Variants in ITGAV observed in about 807,000 individuals in gnomAD.
ITGAV encodes integrin alpha-V.
ITGAV carries 76 observed loss-of-function variants against 143.8 expected under a neutral mutation model. The observed-to-expected ratio is 0.53, with a 90% CI of 0.44 to 0.64. The LOEUF (loss-of-function observed/expected upper bound fraction) is 0.64. Ranked by LOEUF, ITGAV falls within the 30% of genes least tolerant of loss-of-function variation. The pLI is 0.00. For synonymous variants in ITGAV, 453 were observed against 446.7 expected, an observed-to-expected ratio of 1.01 and a Z score of -0.18; for missense variants, 1,193 against 1,274.7, an observed-to-expected ratio of 0.94 and a Z score of 0.98.
chr2:186,648,557 C>T (rs942569093), intron 13 of ITGAV, among the ~76,000 whole-genome samples: 5 of 152,114 alleles, frequency 3.3e-5, no homozygotes, highest in African/African-American at 1.2e-4. Flanking sequence ...CTTCACCGCC[C>T]GGGTTCAAGA....
chr2:186,653,850 A>T (rs1411566625), intron 15 of ITGAV, among the ~76,000 whole-genome samples: 1 of 152,238 alleles, frequency 6.6e-6, no homozygotes, highest in Non-Finnish European at 1.5e-5. Flanking sequence ...AGCATTTCAG[A>T]AAATCGTACT....
intron 1 of ITGAV, among the ~76,000 whole-genome samples, chr2:186,593,007 G>A (rs939069897): frequency 6.6e-6 from 1 of 152,028 alleles, no homozygotes; most frequent in African/African-American, 2.4e-5. Flanking sequence ...GGAATCCAAG[G>A]TACTTGGGAT....
At chr2:186,645,322 T>C (rs10178617) in intron 12 of ITGAV, among the ~76,000 whole-genome samples, 14,332 of 151,666 alleles carry the variant, frequency 0.094, 733 homozygotes, top group South Asian at 0.12. Context: ...TTTGGACAAA[T>C]AGAAGGAATA....
intron 18 of ITGAV, among the ~76,000 whole-genome samples, chr2:186,660,924 A>G (rs993332472): frequency 6.6e-6 from 1 of 152,040 alleles, no homozygotes; most frequent in Non-Finnish European, 1.5e-5. Context: ...CTGTGTCCTA[A>G]TCTCTTTTTA....
chr2:186,636,944 G>A (rs1344700142), intron 7 of ITGAV, 121 bp from the exon 8 acceptor site: 1 of 769,086 alleles, frequency 1.3e-6, no homozygotes, highest in Admixed American at 2.0e-5. Context: ...ATGACTAGGG[G>A]ACAAAATATT....
intron 18 of ITGAV, 47 bp downstream of exon 18, chr2:186,659,222 T>A (rs201781366): frequency 2.3e-6 from 3 of 1,305,018 alleles, no homozygotes; most frequent in Middle Eastern, 2.0e-4. Context: ...TTATTTTTTT[T>A]TACAATTCAT....
chr2:186,619,393 C>T (rs1687460329), intron 2 of ITGAV, among the ~76,000 whole-genome samples: 1 of 151,894 alleles, frequency 6.6e-6, no homozygotes, highest in Non-Finnish European at 1.5e-5. Context: ...ATACTAGAGG[C>T]TGGGAAAGGT....
Position 186,675,849 on chromosome 2 carries a change from G to A in ITGAV, c.2850G>A (p.Leu950=). The A allele has an allele frequency of 6.2e-7, 1 of 1,607,740 alleles. No individual in the cohort carries two copies. The highest frequency in any genetic ancestry group is 8.5e-7 in the Non-Finnish European group (1 of 1,176,170). The change falls in exon 28 of 30, where the codon CTG becomes CTA. Residue 950 remains leucine (L), a synonymous_variant. Coordinates refer to ENST00000261023, the MANE Select transcript of ITGAV (RefSeq NM_002210.5). ...NKENQNHSYS[L]KSSASFNVIE... is the part of the protein sequence containing the mutation. ...AAAATCAGAATCATTCCTATTCTCT[G>A]AAGTCGTCTGCTTCATTTAATGTCA...
At position 186,657,717 on chromosome 2, in the gene ITGAV, T is replaced by C. The variant is rs1176649992; in HGVS notation, c.1719+1316T>C. Among the ~76,000 whole-genome samples the C allele has an allele frequency of 2.6e-5, 4 of 152,266 alleles. No homozygotes were observed. The South Asian group carries it at 8.3e-4, about 32-fold the overall frequency. On this transcript the variant is annotated intron_variant, in intron 17 of 29. Transcript: ENST00000261023. ...AGATAAGGGAGGAATTAACAGAATA[T>C]TTTGAATAACCTTGGGCCAGTACAT...
chr2:186,672,860 G>T (rs1304694070), intron 26 of ITGAV, among the ~76,000 whole-genome samples: 1 of 152,122 alleles, frequency 6.6e-6, no homozygotes, highest in Non-Finnish European at 1.5e-5. Context: ...GTCTCATTCT[G>T]TGTGAACTGT....
intron 3 of ITGAV, among the ~76,000 whole-genome samples, chr2:186,622,748 C>CCT (rs781081352): frequency 7.3e-5 from 11 of 151,334 alleles, no homozygotes; most frequent in African/African-American, 1.2e-4. Context: ...TTTAATACTT[C>CCT]CTCTCTCTCT....
At chr2:186,607,357 ACTT>A (rs1279096572) in intron 2 of ITGAV, among the ~76,000 whole-genome samples, 3 of 152,064 alleles carry the variant, frequency 2.0e-5, no homozygotes, top group Non-Finnish European at 4.4e-5. Flanking sequence ...ATTTTTTTAA[ACTT>A]CTGGGAAGAC....
intron 2 of ITGAV, among the ~76,000 whole-genome samples, chr2:186,621,261 G>A (rs1687512649): frequency 6.6e-6 from 1 of 151,998 alleles, no homozygotes; most frequent in Non-Finnish European, 1.5e-5. Flanking sequence ...AATGAACAAC[G>A]AACAACACAC....
chr2:186,676,658 A>G (rs947564159), intron 28 of ITGAV, among the ~76,000 whole-genome samples, 155 bp from the exon 29 acceptor site: 1 of 152,224 alleles, frequency 6.6e-6, no homozygotes, highest in African/African-American at 2.4e-5. Flanking sequence ...GTGTATGTGC[A>G]TGCTCTTGAT....
rs752134103 is a variant in ITGAV, at chr2:186,665,180, G to A, written c.2128G>A (p.Val710Ile). The change falls in exon 21 of 30, where the codon GTA becomes ATA. Residue 710 changes from valine (V) to isoleucine (I), a missense_variant. Val to Ile is a conservative substitution (Grantham distance 29). Transcript: ENST00000261023. ...FKTENQTRQV[V>I]CDLGNPMKAG... is the part of the protein sequence containing the mutation. ...GACAGAAAACCAAACTCGCCAGGTG[G>A]TATGTGACCTTGGAAACCCAATGAA... is the stretch of plus-strand genomic sequence containing the variant. 13 of 1,612,468 alleles carry A rather than the reference G, an allele frequency of 8.1e-6. No individual in the cohort carries two copies. The East Asian group carries it at 1.8e-4, about 22-fold the overall frequency.
At chr2:186,667,818 C>A (rs766668878) in intron 24 of ITGAV, 42 bp downstream of exon 24, 5 of 1,280,958 alleles carry the variant, frequency 3.9e-6, no homozygotes, top group Non-Finnish European at 5.5e-6. Context: ...GTGAGCAAGC[C>A]AACGAAGAGA....
chr2:186,615,998 A>T (rs1302379676), intron 2 of ITGAV, among the ~76,000 whole-genome samples: 1 of 151,972 alleles, frequency 6.6e-6, no homozygotes, highest in African/African-American at 2.4e-5. Flanking sequence ...GTATGGTTCC[A>T]AATTATTTTT....
At position 186,677,709 on chromosome 2, in the gene ITGAV, T is replaced by C. The variant is rs999943532; in HGVS notation, c.*417T>C. On this transcript the variant is annotated 3_prime_UTR_variant, in exon 30 of 30. Transcript: ENST00000261023. ...AAATTTGGACCTTAGCAATCATGTC[T>C]TTTGTATAGGTACTTAATGTTAATA... The C allele has an allele frequency of 4.7e-5, 8 of 170,776 alleles. No individual in the cohort carries two copies. The highest frequency in any genetic ancestry group is 1.9e-4 in the African/African-American group (8 of 41,618). 10.6% of individuals were successfully genotyped at this position (170,776 alleles called of 1,614,324 possible).
chr2:186,669,798 G>C lies in ITGAV; in HGVS notation c.2690G>C (p.Gly897Ala), dbSNP rs1689014062. The change falls in exon 26 of 30, where the codon GGA (glycine) becomes GCA (alanine). Residue 897 changes from glycine to alanine, a missense_variant. Transcript: ENST00000261023. ...ITKRDLALSE[G>A]DIHTLGCGVA... ...AAGCGGGATCTTGCCCTCAGTGAAG[G>C]AGATATTCACACTTTGGTAAGTGCC... 6.2e-7 allele frequency: 1 copy of C among 1,612,098 alleles called. No individual in the cohort carries two copies. Among genetic ancestry groups the C allele is most frequent in the Non-Finnish European group, 8.5e-7 (1 of 1,178,388 alleles).
Sources: gnomAD v4.1 joint callset for allele counts (sites outside exome capture counted in the v4.1 genomes callset) on GRCh38, gnomAD v4.1.1 for gene constraint, MANE v1.5 for transcripts, NCBI Gene and HGNC (gene_info 2026-07-23, HGNC 2026-07-21) for gene names.